The following TMC1 variants were observed in gnomAD, a reference collection of about 807,000 sequenced individuals.
TMC1 encodes transmembrane channel-like protein 1.
Under a neutral mutation model 105.8 loss-of-function variants are expected in TMC1, and 84 were observed. The observed-to-expected ratio is 0.79, with a 90% CI of 0.67 to 0.95. The LOEUF (loss-of-function observed/expected upper bound fraction) is 0.95, where lower values mean the gene tolerates loss of function less well. Among genes scored for constraint, TMC1 ranks in the 40% least tolerant of loss-of-function variants. TMC1 has a pLI of 0.00. For missense variants in TMC1, 817 were observed against 914.1 expected (o/e 0.89, Z 1.37); for synonymous variants, 315 against 311.5 (o/e 1.01, Z -0.12).
intron 5 of TMC1, among the ~76,000 whole-genome samples, chr9:72,687,001 T>C (rs1410728788): frequency 7.2e-5 from 11 of 152,226 alleles, no homozygotes; most frequent in Non-Finnish European, 1.2e-4. Context: ...TAGAGGAAAC[T>C]GAGTTGTTGC....
intron 1 of TMC1, among the ~76,000 whole-genome samples, chr9:72,541,432 A>T (rs1823675020): frequency 6.6e-6 from 1 of 152,160 alleles, no homozygotes. Context: ...TCATGCCTAT[A>T]ATCCGAGCAC....
At chr9:72,569,679 G>C (rs867015338) in intron 1 of TMC1, among the ~76,000 whole-genome samples, 44 of 152,162 alleles carry the variant, frequency 2.9e-4, no homozygotes, top group Admixed American at 9.2e-4. Flanking sequence ...AGTGTGCATG[G>C]AGAGAGGCCA....
intron 1 of TMC1, among the ~76,000 whole-genome samples, chr9:72,529,809 G>C (rs1044282584): frequency 2.6e-5 from 4 of 152,092 alleles, no homozygotes; most frequent in Non-Finnish European, 4.4e-5. Flanking sequence ...ATCAAATTAT[G>C]AGACTAAACC....
chr9:72,712,817 G>A (rs575140929), intron 8 of TMC1, among the ~76,000 whole-genome samples: 3 of 152,126 alleles, frequency 2.0e-5, no homozygotes, highest in African/African-American at 7.2e-5. Context: ...GAATAGGAGT[G>A]GTGAGAGAAG....
intron 3 of TMC1, among the ~76,000 whole-genome samples, chr9:72,616,706 G>A (rs546087953): frequency 6.6e-6 from 1 of 151,792 alleles, no homozygotes; most frequent in East Asian, 1.9e-4. Context: ...AATATTGCAG[G>A]ACAGGGCTGT....
chr9:72,534,364 A>G (rs999621160), intron 1 of TMC1, among the ~76,000 whole-genome samples: 2 of 152,136 alleles, frequency 1.3e-5, no homozygotes, highest in Non-Finnish European at 2.9e-5. Context: ...TTAATTATGT[A>G]GATGGACAGC....
intron 8 of TMC1, among the ~76,000 whole-genome samples, chr9:72,701,854 G>T (rs1826651522): frequency 6.6e-6 from 1 of 152,030 alleles, no homozygotes; most frequent in Non-Finnish European, 1.5e-5. Context: ...TCTAAACAAT[G>T]GTTTTCCCAG....
intron 1 of TMC1, among the ~76,000 whole-genome samples, chr9:72,531,811 C>T (rs1386010572): frequency 6.6e-6 from 1 of 152,162 alleles, no homozygotes; most frequent in African/African-American, 2.4e-5. Flanking sequence ...AAAATGCCCT[C>T]AATTCAAAAA....
chr9:72,731,650 T>G (rs1827213675), intron 8 of TMC1, among the ~76,000 whole-genome samples: 1 of 152,176 alleles, frequency 6.6e-6, no homozygotes, highest in Admixed American at 6.6e-5. Flanking sequence ...TCTGGATCCT[T>G]ACTAATAACA....
intron 12 of TMC1, among the ~76,000 whole-genome samples, chr9:72,766,528 G>C (rs990965793): frequency 6.6e-6 from 1 of 152,118 alleles, no homozygotes; most frequent in Non-Finnish European, 1.5e-5. Flanking sequence ...GGAGGGACAA[G>C]GAAACAGAAG....
At chr9:72,817,611 C>T (rs150617092) in intron 19 of TMC1, among the ~76,000 whole-genome samples, 33 of 152,290 alleles carry the variant, frequency 2.2e-4, no homozygotes, top group African/African-American at 6.0e-4. Flanking sequence ...GTACCATTCA[C>T]GCAGACATAT....
intron 4 of TMC1, among the ~76,000 whole-genome samples, chr9:72,645,104 A>ACCAT (rs1174649041): frequency 6.6e-6 from 1 of 152,220 alleles, no homozygotes; most frequent in East Asian, 1.9e-4. Flanking sequence ...ACAGCAGCAG[A>ACCAT]CCATCCACAT....
intron 2 of TMC1, among the ~76,000 whole-genome samples, chr9:72,614,624 C>T (rs1255762470): frequency 1.3e-5 from 2 of 152,124 alleles, no homozygotes; most frequent in Admixed American, 1.3e-4. Flanking sequence ...TACTTGGGTC[C>T]AATCTTCTTA....
At chr9:72,725,319 G>GTGTA (rs1296385543) in intron 8 of TMC1, among the ~76,000 whole-genome samples, 77 of 51,124 alleles carry the variant, frequency 1.5e-3, no homozygotes, top group Non-Finnish European at 1.9e-3. Flanking sequence ...CATTTTATGT[G>GTGTA]TGTATGTATA....
intron 23 of TMC1, among the ~76,000 whole-genome samples, chr9:72,834,930 C>T (rs978478472): frequency 6.6e-6 from 1 of 152,106 alleles, no homozygotes; most frequent in Non-Finnish European, 1.5e-5. Flanking sequence ...CCAGAGGTAC[C>T]TGTTGCTGCA....
intron 1 of TMC1, among the ~76,000 whole-genome samples, chr9:72,539,254 A>C (rs1823637867): frequency 6.6e-6 from 1 of 151,836 alleles, no homozygotes; most frequent in Non-Finnish European, 1.5e-5. Flanking sequence ...ACAAAAAAAC[A>C]AATCAGCCAG....
chr9:72,697,399 T>C (rs1328508000), intron 7 of TMC1, among the ~76,000 whole-genome samples: 4 of 152,230 alleles, frequency 2.6e-5, no homozygotes, highest in Middle Eastern at 3.4e-3. Context: ...CAAATTATTA[T>C]GACATAAGAA....
chr9:72,795,256 G>T (rs1352024201), intron 17 of TMC1, among the ~76,000 whole-genome samples: 1 of 152,166 alleles, frequency 6.6e-6, no homozygotes, highest in Non-Finnish European at 1.5e-5. Flanking sequence ...AGGCAAATTT[G>T]CTGCCAGTCT....
At chr9:72,709,195 C>T (rs1826794914) in intron 8 of TMC1, among the ~76,000 whole-genome samples, 1 of 152,158 alleles carries the variant, frequency 6.6e-6, no homozygotes, top group Non-Finnish European at 1.5e-5. Context: ...ACTATCCCTG[C>T]ATCCATGGTA....
Sources: allele counts gnomAD v4.1 joint callset (sites outside exome capture counted in the v4.1 genomes callset), GRCh38; gene constraint gnomAD v4.1.1; transcripts MANE v1.5; gene names NCBI Gene and HGNC (gene_info 2026-07-23, HGNC 2026-07-21).